Variants in LRRC28 observed in about 807,000 individuals in gnomAD.
LRRC28 encodes leucine-rich repeat-containing protein 28.
In LRRC28, 39 loss-of-function variants were observed where a neutral mutation model predicts 45.7. That is an observed-to-expected ratio of 0.85 (90% CI 0.66 to 1.12). LRRC28 has a LOEUF of 1.12. LRRC28 is among the 50% of genes most tolerant of loss of function. The probability of loss-of-function intolerance (pLI) is 0.00; values close to 1 mark genes in which losing one functional copy is unlikely to be tolerated. For synonymous variants in LRRC28, 206 were observed against 178.8 expected, an observed-to-expected ratio of 1.15 and a Z score of -1.22; for missense variants, 435 against 438.5, an observed-to-expected ratio of 0.99 and a Z score of 0.07.
intron 5 of LRRC28, among the ~76,000 whole-genome samples, chr15:99,310,742 A>C (rs1261322034): frequency 6.6e-6 from 1 of 152,244 alleles, no homozygotes; most frequent in Admixed American, 6.5e-5. Flanking sequence ...TAAGAGATTT[A>C]AGAATCATAT....
intron 6 of LRRC28, among the ~76,000 whole-genome samples, chr15:99,334,925 C>G (rs1956274934): frequency 6.6e-6 from 1 of 151,974 alleles, no homozygotes; most frequent in South Asian, 2.1e-4. Flanking sequence ...AAATATTTTC[C>G]AAGATAATAC....
chr15:99,259,640 A>G, intron 2 of LRRC28: 1 of 1,455,366 alleles, frequency 6.9e-7, no homozygotes, highest in South Asian at 1.1e-5. Context: ...CATCTCTACA[A>G]ATTACCATGC....
intron 9 of LRRC28, among the ~76,000 whole-genome samples, chr15:99,380,790 T>G (rs1957796105): frequency 6.6e-6 from 1 of 152,368 alleles, no homozygotes; most frequent in East Asian, 1.9e-4. Context: ...CCTTCACTTA[T>G]GAAGCTTAAT....
At chr15:99,370,647 TAAAAA>T (rs953945283) in intron 9 of LRRC28, among the ~76,000 whole-genome samples, 2 of 152,166 alleles carry the variant, frequency 1.3e-5, no homozygotes, top group African/African-American at 4.8e-5. Context: ...GTATACATAT[TAAAAA>T]AGAAAAGGAA....
intron 2 of LRRC28, among the ~76,000 whole-genome samples, chr15:99,266,192 C>T (rs564094754): frequency 7.9e-5 from 12 of 152,264 alleles, no homozygotes; most frequent in African/African-American, 2.9e-4. Context: ...AAATGAGGCA[C>T]AGATGTTCTT....
chr15:99,373,506 C>T (rs1312949405), intron 9 of LRRC28, among the ~76,000 whole-genome samples: 1 of 152,118 alleles, frequency 6.6e-6, no homozygotes, highest in Admixed American at 6.5e-5. Flanking sequence ...TTCCCTCAAG[C>T]ATTTATTCTT....
intron 5 of LRRC28, among the ~76,000 whole-genome samples, chr15:99,327,519 G>A (rs951039313): frequency 6.6e-6 from 1 of 151,978 alleles, no homozygotes; most frequent in African/African-American, 2.4e-5. Flanking sequence ...CCTTTTAATC[G>A]TTTTAATTTC....
At chr15:99,370,086 T>C (rs575948264) in intron 9 of LRRC28, among the ~76,000 whole-genome samples, 1 of 152,192 alleles carries the variant, frequency 6.6e-6, no homozygotes, top group African/African-American at 2.4e-5. Context: ...ACCTGTGATA[T>C]CCCTTTTACA....
chr15:99,285,060 G>T (rs112982643), intron 3 of LRRC28: 54,330 of 667,998 alleles, frequency 0.081, 2,540 homozygotes, highest in African/African-American at 0.14. Flanking sequence ...TGACTTCACA[G>T]TTGTGGCCAT....
chr15:99,290,542 TACATTTTCCTA>T (rs1205716610), intron 5 of LRRC28, among the ~76,000 whole-genome samples: 22 of 152,304 alleles, frequency 1.4e-4, no homozygotes, highest in African/African-American at 4.3e-4. Flanking sequence ...GATAATACTT[TACATTTTCCTA>T]ACATTTTCCT....
intron 2 of LRRC28, among the ~76,000 whole-genome samples, chr15:99,268,846 G>GT (rs998035813): frequency 1.7e-4 from 26 of 152,056 alleles, no homozygotes; most frequent in Non-Finnish European, 5.9e-5. Flanking sequence ...TATTAAATAG[G>GT]TTTTTTTAAA....
intron 2 of LRRC28, among the ~76,000 whole-genome samples, chr15:99,270,842 C>T (rs576693488): frequency 2.8e-4 from 42 of 152,234 alleles, no homozygotes; most frequent in African/African-American, 9.9e-4. Flanking sequence ...TTTGAGGAGC[C>T]ACCAAAAAGT....
intron 5 of LRRC28, among the ~76,000 whole-genome samples, chr15:99,289,895 T>C (rs1212885348): frequency 1.6e-5 from 2 of 128,198 alleles, no homozygotes; most frequent in Non-Finnish European, 3.1e-5. Flanking sequence ...ATTGCGCCAC[T>C]GCAGTCCGCA....
At chr15:99,353,830 T>C (rs896863545) in intron 7 of LRRC28, 1 of 152,200 alleles carries the variant, frequency 6.6e-6, no homozygotes, top group Non-Finnish European at 1.5e-5. Flanking sequence ...CCTTATACTT[T>C]GTCGTTTAGA....
At chr15:99,307,257 T>C (rs1186813091) in intron 5 of LRRC28, among the ~76,000 whole-genome samples, 2 of 152,198 alleles carry the variant, frequency 1.3e-5, no homozygotes, top group African/African-American at 4.8e-5. Context: ...CACATCATGC[T>C]TAAGGCAGCA....
chr15:99,382,156 C>T (rs1567715223), intron 9 of LRRC28, among the ~76,000 whole-genome samples: 1 of 152,234 alleles, frequency 6.6e-6, no homozygotes, highest in Non-Finnish European at 1.5e-5. Context: ...AGGCAGGCCT[C>T]CTTGAGCTGC....
At chr15:99,283,215 T>G (rs1049996782) in intron 3 of LRRC28, among the ~76,000 whole-genome samples, 1 of 152,122 alleles carries the variant, frequency 6.6e-6, no homozygotes, top group African/African-American at 2.4e-5. Context: ...TTTAAAACTT[T>G]TTTTATTTTG....
chr15:99,387,376 C>G lies in LRRC28; in HGVS notation c.*1274C>G, dbSNP rs1312492154. Reference sequence around the variant, plus strand: ...CGCCCGGCCCACTACTGGTTTTTAACAGGATGATTCAAAGTACAGCCCGTG... The same window carrying G: ...CGCCCGGCCCACTACTGGTTTTTAAGAGGATGATTCAAAGTACAGCCCGTG... On this transcript the variant is annotated 3_prime_UTR_variant, in exon 10 of 10. Coordinates refer to ENST00000301981, the MANE Select transcript of LRRC28 (RefSeq NM_144598.5). The G allele has an allele frequency of 6.6e-6, 1 of 152,258 alleles. No homozygotes were observed. Among genetic ancestry groups the G allele is most frequent in the African/African-American group, 2.4e-5 (1 of 41,452 alleles). The allele number at this position is 152,258 out of a possible 1,614,324, so 9.4% of individuals were successfully genotyped here. A position where few individuals can be genotyped will look rare whatever the true frequency, so the allele number is the denominator to read the frequency against.
At chr15:99,337,856 A>G (rs1269633655) in intron 6 of LRRC28, 2 of 152,388 alleles carry the variant, frequency 1.3e-5, no homozygotes, top group African/African-American at 2.4e-5. Context: ...ACTTTACTTA[A>G]GAAAAGCATA....
Sources: gnomAD v4.1 joint callset for allele counts (sites outside exome capture counted in the v4.1 genomes callset) on GRCh38, gnomAD v4.1.1 for gene constraint, MANE v1.5 for transcripts, NCBI Gene and HGNC (gene_info 2026-07-23, HGNC 2026-07-21) for gene names.